The following ACSL5 variants were observed in gnomAD, a reference collection of about 807,000 sequenced individuals.
ACSL5 encodes acyl-CoA synthetase long chain family member 5.
A neutral mutation model predicts 84.9 loss-of-function variants in ACSL5; 50 were observed. The ratio of observed to expected loss-of-function variants is 0.59; its 90% CI spans 0.47 to 0.75. The LOEUF (loss-of-function observed/expected upper bound fraction) is 0.75. Among genes scored for constraint, ACSL5 ranks in the 30% least tolerant of loss-of-function variants. The pLI, the probability that ACSL5 is intolerant of heterozygous loss-of-function variation, is 0.00. For synonymous variants in ACSL5, 280 were observed against 300.7 expected (o/e 0.93, Z 0.71); for missense variants, 775 against 830.4 (o/e 0.93, Z 0.82).
Position 112,427,382 on chromosome 10 carries a change from G to T in ACSL5, c.*24G>T. The stretch of plus-strand genomic sequence containing the variant: ...AGGATAAGGTACTTAAGTACCTGCC[G>T]GCCCACTGTGCACTGCTTGTGAGAA... On this transcript the variant is annotated 3_prime_UTR_variant, in exon 21 of 21. Transcript: ENST00000354655. 6.3e-7 allele frequency: 1 copy of T among 1,590,958 alleles called. No individual in the cohort carries two copies. Among genetic ancestry groups the T allele is most frequent in the Non-Finnish European group, 8.6e-7 (1 of 1,168,232 alleles).
Position 112,404,502 on chromosome 10 carries a change from T to A in ACSL5, c.266-9T>A. 1.2e-6 allele frequency: 2 copies of A among 1,609,858 alleles called. No individual in the cohort carries two copies. Among genetic ancestry groups the A allele is most frequent in the Non-Finnish European group, 1.7e-6 (2 of 1,176,604 alleles). ...TGGAGTTGATTTTCTTTTAATATTA[T>A]GTTTTTAGACAATGGGCCCTGCTTG... On this transcript the variant is annotated splice_polypyrimidine_tract_variant and intron_variant, in intron 3 of 20. Transcript: ENST00000354655.
chr10:112,395,226 C>G, intron 2 of ACSL5, 124 bp downstream of exon 2: 1 of 932,796 alleles, frequency 1.1e-6, no homozygotes, highest in Non-Finnish European at 1.6e-6. Flanking sequence ...TTCATGTTAC[C>G]AATCAACAGG....
At chr10:112,416,441 A>T (rs906469497) in intron 12 of ACSL5, among the ~76,000 whole-genome samples, 1 of 139,474 alleles carries the variant, frequency 7.2e-6, no homozygotes, top group East Asian at 2.2e-4. Flanking sequence ...ACTGCACTCC[A>T]GCCTGGGCGA....
At position 112,394,933 on chromosome 10, in the gene ACSL5, T is replaced by G. The variant is rs777270355; in HGVS notation, c.-14T>G. On this transcript the variant is annotated 5_prime_UTR_variant, in exon 2 of 21. Coordinates refer to ENST00000354655, the MANE Select transcript of ACSL5 (RefSeq NM_203379.2). ...TTTTTTTAAGGTCTGAATTTCCTGC[T>G]GCTGTTCACAAAGATGCTTTTTATC... The G allele has an allele frequency of 6.2e-7, 1 of 1,613,370 alleles. No individual in the cohort carries two copies. Among genetic ancestry groups the G allele is most frequent in the Non-Finnish European group, 8.5e-7 (1 of 1,179,976 alleles).
Position 112,426,321 on chromosome 10 carries a change from G to A in ACSL5, c.1801G>A (p.Gly601Arg), listed in dbSNP as rs963631287. 6.2e-7 allele frequency: 1 copy of A among 1,614,088 alleles called. No individual in the cohort carries two copies. The highest frequency in any genetic ancestry group is 1.3e-5 in the African/African-American group (1 of 75,040). ...ACTTCCCTCATTTGCAGCCAAGCTT[G>A]GGGTGAAGGGCTCCTTTGAGGAACT... ...DVLPSFAAKL[G>R]VKGSFEELCQ... Residue 601 changes from glycine to arginine, a missense_variant, in exon 19 of 21, where the codon GGG becomes AGG. Coordinates refer to ENST00000354655, the MANE Select transcript of ACSL5 (RefSeq NM_203379.2).
At chr10:112,415,479 T>C (rs142637896) in intron 12 of ACSL5, among the ~76,000 whole-genome samples, 57 of 152,306 alleles carry the variant, frequency 3.7e-4, no homozygotes, top group African/African-American at 1.4e-3. Flanking sequence ...TCTCTAATAC[T>C]AGCTCTTTGT....
At chr10:112,406,824 G>T (rs900900519) in intron 5 of ACSL5, 5 of 152,214 alleles carry the variant, frequency 3.3e-5, no homozygotes, top group African/African-American at 1.2e-4. Context: ...GAGCAAAGGG[G>T]GTGGAAAGCC....
chr10:112,385,725 T>A (rs912353273), intron 1 of ACSL5, among the ~76,000 whole-genome samples: 1 of 152,224 alleles, frequency 6.6e-6, no homozygotes, highest in African/African-American at 2.4e-5. Flanking sequence ...TCTTAGCCTA[T>A]CTGAGGGGGT....
intron 4 of ACSL5, 29 bp from the exon 5 acceptor site, chr10:112,404,676 C>G (rs1843988735): frequency 1.2e-6 from 2 of 1,607,850 alleles, no homozygotes; most frequent in South Asian, 2.2e-5. Context: ...TCTTCTCTCT[C>G]TCTCTCACCC....
chr10:112,413,047 C>A, intron 11 of ACSL5, 126 bp from the exon 12 acceptor site: 1 of 999,284 alleles, frequency 1.0e-6, no homozygotes, highest in Non-Finnish European at 1.5e-6. Context: ...TTCCCAAATT[C>A]CTTCCAAGAC....
rs538611705 is a variant in ACSL5 at position 112,417,323 on chromosome 10, T to C, written c.1218+301T>C. Among the ~76,000 whole-genome samples, 6 of 151,066 alleles carry C rather than the reference T, an allele frequency of 4.0e-5. No homozygotes were observed. In the East Asian group the frequency reaches 1.2e-3, roughly 30 times the overall value. ...TTCAAGACCAGCCTGACCAACATGG[T>C]GAAACCCAGTCTCTACTAAAAATAC... On this transcript the variant is annotated intron_variant, in intron 13 of 20. Coordinates refer to ENST00000354655, the MANE Select transcript of ACSL5 (RefSeq NM_203379.2).
chr10:112,403,389 C>G (rs1407675686), intron 3 of ACSL5, among the ~76,000 whole-genome samples: 1 of 152,212 alleles, frequency 6.6e-6, no homozygotes, highest in Admixed American at 6.5e-5. Context: ...CCGGGTGAAG[C>G]AATTCTCCTG....
intron 1 of ACSL5, chr10:112,376,272 G>A (rs1295139033): frequency 1.2e-6 from 2 of 1,613,696 alleles, no homozygotes; most frequent in Non-Finnish European, 1.7e-6. Flanking sequence ...TCAGAGCAGG[G>A]CAGAACTGGG....
intron 1 of ACSL5, chr10:112,376,143 C>A: frequency 2.1e-6 from 2 of 944,404 alleles, no homozygotes; most frequent in Non-Finnish European, 1.5e-6. Context: ...GTAGCTTTGG[C>A]AGCTTCTCCC....
At chr10:112,380,846 A>G (rs79473829) in intron 1 of ACSL5, among the ~76,000 whole-genome samples, 29,831 of 152,018 alleles carry the variant, frequency 0.2, 3,499 homozygotes, top group Non-Finnish European at 0.26. Context: ...CAGTGGCGGG[A>G]TCATGGATCA....
chr10:112,382,665 G>A (rs1465245001), intron 1 of ACSL5, among the ~76,000 whole-genome samples: 2 of 152,254 alleles, frequency 1.3e-5, no homozygotes, highest in East Asian at 1.9e-4. Context: ...TGCATCGAAC[G>A]CCCTAATGAT....
chr10:112,404,604 T>A, intron 4 of ACSL5, 29 bp downstream of exon 4: 1 of 1,606,644 alleles, frequency 6.2e-7, no homozygotes, highest in South Asian at 1.1e-5. Flanking sequence ...TTTAGACAGA[T>A]TCTTTCTAAC....
At chr10:112,380,584 C>T (rs1336690972) in intron 1 of ACSL5, among the ~76,000 whole-genome samples, 4 of 151,992 alleles carry the variant, frequency 2.6e-5, no homozygotes, top group Non-Finnish European at 5.9e-5. Flanking sequence ...TCTGGCCATT[C>T]CCCTTCTCCA....
intron 1 of ACSL5, among the ~76,000 whole-genome samples, chr10:112,392,940 C>T (rs905044047): frequency 6.6e-6 from 1 of 151,884 alleles, no homozygotes. Context: ...TATATCCAGT[C>T]TTGTCACAAT....
Sources: allele counts gnomAD v4.1 joint callset (sites outside exome capture counted in the v4.1 genomes callset), GRCh38; gene constraint gnomAD v4.1.1; transcripts MANE v1.5; gene names NCBI Gene and HGNC (gene_info 2026-07-23, HGNC 2026-07-21).